The following NEXMIF variants were observed in gnomAD, a reference collection of about 807,000 sequenced individuals.
NEXMIF encodes XLMR protein related to neurite extension.
NEXMIF carries 8 observed loss-of-function variants against 62.1 expected under a neutral mutation model. That is an observed-to-expected ratio of 0.13 (90% CI 0.08 to 0.23). The LOEUF is 0.23. Ranked by LOEUF, NEXMIF falls within the 10% of genes least tolerant of loss-of-function variation. NEXMIF has a pLI of 1.00. For missense variants in NEXMIF, 976 were observed against 1,113.3 expected (o/e 0.88, Z 1.75); for synonymous variants, 404 against 416.6 (o/e 0.97, Z 0.37).
At chrX:74,860,371 A>C (rs1037407582) in intron 1 of NEXMIF, among the ~76,000 whole-genome samples, 18 of 112,068 alleles carry the variant, frequency 1.6e-4, no homozygotes, top group African/African-American at 5.8e-4. Flanking sequence ...CGAACAAAGA[A>C]ACATCTGATT....
chrX:74,802,421 G>A (rs775229897), intron 1 of NEXMIF, among the ~76,000 whole-genome samples: 135 of 111,114 alleles, frequency 1.2e-3, no homozygotes, highest in Non-Finnish European at 1.9e-3. Flanking sequence ...TTTCTGCTTG[G>A]TAATCCAGAG....
At chrX:74,915,271 T>C (rs955834513) in intron 1 of NEXMIF, among the ~76,000 whole-genome samples, 1 of 111,578 alleles carries the variant, frequency 9.0e-6, no homozygotes, top group Non-Finnish European at 1.9e-5. Context: ...ACCATGTTTC[T>C]ACAAAACTAA....
rs748598086 is a variant in NEXMIF, at chrX:74,795,091, C to G, written c.-47-49394G>C. Among the ~76,000 whole-genome samples the G allele has an allele frequency of 5.4e-5, 6 of 111,972 alleles. No individual in the cohort carries two copies. The South Asian group carries it at 2.3e-3, about 42-fold the overall frequency. ...CAGCTCAGGAACAGATATTCTACTG[C>G]ACCATACATACATACTCAACCCAGA... On this transcript the variant is annotated intron_variant, in intron 1 of 3. Transcript: ENST00000055682.
intron 1 of NEXMIF, among the ~76,000 whole-genome samples, chrX:74,839,819 G>A (rs1195335396): frequency 2.7e-5 from 3 of 112,198 alleles, no homozygotes; most frequent in Non-Finnish European, 5.6e-5. Context: ...TGTCATTGAT[G>A]GACATTTAGA....
intron 1 of NEXMIF, among the ~76,000 whole-genome samples, chrX:74,868,534 C>A (rs961342130): frequency 1.9e-5 from 2 of 107,391 alleles, no homozygotes; most frequent in South Asian, 8.4e-4. Context: ...GAACAGAAAA[C>A]CAAGCATCAC....
At chrX:74,838,907 TTATA>T (rs1447281303) in intron 1 of NEXMIF, among the ~76,000 whole-genome samples, 2 of 112,164 alleles carry the variant, frequency 1.8e-5, no homozygotes, top group Non-Finnish European at 3.8e-5. Context: ...TAATTCCTCT[TTATA>T]GTTTTATGGT....
At chrX:74,912,696 T>C (rs2080794550) in intron 1 of NEXMIF, among the ~76,000 whole-genome samples, 2 of 111,636 alleles carry the variant, frequency 1.8e-5, no homozygotes, top group African/African-American at 6.5e-5. Flanking sequence ...CCAATTCCTG[T>C]AGTGCCAAGC....
intron 1 of NEXMIF, among the ~76,000 whole-genome samples, chrX:74,864,116 T>G (rs1162745535): frequency 9.0e-6 from 1 of 111,676 alleles, no homozygotes; most frequent in East Asian, 2.8e-4. Context: ...TATACATCAA[T>G]ATAATAAGAG....
chrX:74,749,515 C>T (rs1442801546), intron 1 of NEXMIF, among the ~76,000 whole-genome samples: 1 of 110,836 alleles, frequency 9.0e-6, no homozygotes, highest in Non-Finnish European at 1.9e-5. Flanking sequence ...TTCTAACCCT[C>T]TCCACTCCCT....
chrX:74,906,145 C>T (rs6647572), intron 1 of NEXMIF, among the ~76,000 whole-genome samples: 15,730 of 107,980 alleles, frequency 0.15, 1,775 homozygotes, highest in East Asian at 0.91. Context: ...TGGTGGCACA[C>T]GCCTGTAATG....
chrX:74,878,020 C>T (rs1472344060), intron 1 of NEXMIF, among the ~76,000 whole-genome samples: 2 of 112,180 alleles, frequency 1.8e-5, no homozygotes, highest in Non-Finnish European at 3.8e-5. Flanking sequence ...AGCTTTATTC[C>T]ATTGCTGGTG....
rs1232149440 is a variant in NEXMIF, at chrX:74,742,659, C to T, written c.1898G>A (p.Gly633Asp). The T allele has an allele frequency of 5.0e-6, 6 of 1,211,177 alleles. No individual in the cohort carries two copies. The highest frequency in any genetic ancestry group is 5.6e-6 in the Non-Finnish European group (5 of 895,272). Residue 633 changes from glycine (G) to aspartate (D), a missense_variant, in exon 3 of 4, where the codon GGC (glycine) becomes GAC (aspartate). Physicochemically the swap from Gly to Asp is moderately conservative, Grantham distance 94 (BLOSUM62 -1). This residue lies in a region of NEXMIF where 639 missense variants were observed against 694.5 expected (regional missense o/e 0.92). Transcript: ENST00000055682. ...GATTCTTTGAATCCTGTGCCTGTTG[C>T]CAAGTTTAGATTTTCGTTTGCGAGC... ...PPARKRKSKLGNRHRIQRIPS... is the reference protein window; with the variant it reads ...PPARKRKSKLDNRHRIQRIPS...
rs745367559 is a variant in NEXMIF, at chrX:74,735,330, T to A, written c.*4075A>T. The A allele has an allele frequency of 1.8e-5, 2 of 111,914 alleles. No individual in the cohort carries two copies. The highest frequency in any genetic ancestry group is 3.7e-4 in the South Asian group (1 of 2,691). 9.2% of individuals were successfully genotyped at this position (111,914 alleles called of 1,213,427 possible). A position where few individuals can be genotyped will look rare whatever the true frequency, so the allele number is the denominator to read the frequency against. On this transcript the variant is annotated 3_prime_UTR_variant, in exon 4 of 4. Coordinates refer to ENST00000055682, the MANE Select transcript of NEXMIF (RefSeq NM_001008537.3). ...AATTCTTGGAACTGTTCTGAGAGCA[T>A]CTGTAAGCTGAAGACATGTTGGATC...
At chrX:74,851,883 C>A (rs1248308911) in intron 1 of NEXMIF, among the ~76,000 whole-genome samples, 2 of 111,265 alleles carry the variant, frequency 1.8e-5, no homozygotes, top group Non-Finnish European at 3.8e-5. Flanking sequence ...AATGAATAAA[C>A]AATAAGACAG....
chrX:74,750,391 G>T (rs898128300), intron 1 of NEXMIF, among the ~76,000 whole-genome samples: 2 of 111,732 alleles, frequency 1.8e-5, no homozygotes, highest in Non-Finnish European at 3.8e-5. Flanking sequence ...ATAAAGCAAG[G>T]CCAGTATGAA....
At chrX:74,790,115 C>T (rs1282279032) in intron 1 of NEXMIF, among the ~76,000 whole-genome samples, 1 of 105,136 alleles carries the variant, frequency 9.5e-6, no homozygotes, top group African/African-American at 3.4e-5. Flanking sequence ...TTAGGTCTAA[C>T]GTTTAACTCT....
intron 1 of NEXMIF, among the ~76,000 whole-genome samples, chrX:74,823,031 G>A (rs2798179): frequency 0.079 from 8,844 of 111,748 alleles, 842 homozygotes; most frequent in African/African-American, 0.27. Flanking sequence ...AAAAAGGAAC[G>A]AAGTACACAC....
At chrX:74,820,819 C>G (rs757641398) in intron 1 of NEXMIF, among the ~76,000 whole-genome samples, 170 of 111,427 alleles carry the variant, frequency 1.5e-3, no homozygotes, top group African/African-American at 5.3e-3. Context: ...GGGAGCTAAA[C>G]ACATGGACAT....
chrX:74,798,017 T>C (rs2080317646), intron 1 of NEXMIF, among the ~76,000 whole-genome samples: 1 of 112,094 alleles, frequency 8.9e-6, no homozygotes, highest in African/African-American at 3.2e-5. Context: ...AAAACTTGAA[T>C]TTCTATGGCC....
Sources: gnomAD v4.1 joint callset for allele counts (sites outside exome capture counted in the v4.1 genomes callset) on GRCh38, gnomAD v4.1.1 for gene constraint, gnomAD v4.1.1 regional missense constraint, MANE v1.5 for transcripts, NCBI Gene and HGNC (gene_info 2026-07-23, HGNC 2026-07-21) for gene names.